Variants in FOXN3 observed in about 807,000 individuals in gnomAD.
FOXN3 encodes forkhead box protein N3.
A neutral mutation model predicts 38.4 loss-of-function variants in FOXN3; 7 were observed. That is an observed-to-expected ratio of 0.18 (90% CI 0.10 to 0.34). FOXN3 has a LOEUF of 0.34. Among genes scored for constraint, FOXN3 ranks in the 10% least tolerant of loss-of-function variants. The probability of loss-of-function intolerance (pLI) is 1.00; values close to 1 mark genes in which losing one functional copy is unlikely to be tolerated. For synonymous variants in FOXN3, 230 were observed against 242.2 expected, an observed-to-expected ratio of 0.95 and a Z score of 0.47; for missense variants, 456 against 613.4, an observed-to-expected ratio of 0.74 and a Z score of 2.71.
intron 3 of FOXN3, among the ~76,000 whole-genome samples, chr14:89,331,990 T>A (rs540309143): frequency 1.3e-5 from 2 of 152,300 alleles, no homozygotes; most frequent in South Asian, 4.1e-4. Context: ...TATCTTAATT[T>A]TGGCTTACTA....
At position 89,434,958 on chromosome 14, in the gene FOXN3, T is replaced by TATATA. The variant is rs1892244969; in HGVS notation, c.-14-22469_-14-22468insTATAT. Among the ~76,000 whole-genome samples, 3 of 152,342 alleles carry TATATA rather than the reference T, an allele frequency of 2.0e-5. No homozygotes were observed. The South Asian group carries it at 6.2e-4, about 32-fold the overall frequency. Reference sequence around the variant, plus strand: ...TACAGAGAATTATTATAGTTACAGGTACAGATCAACCTTAGTCAATTCTGT... The same window carrying TATATA: ...TACAGAGAATTATTATAGTTACAGGTATATAACAGATCAACCTTAGTCAATTCTGT... On this transcript the variant is annotated intron_variant, in intron 1 of 6. Transcript: ENST00000345097.
At chr14:89,351,250 T>C (rs186909054) in intron 2 of FOXN3, 146 of 152,702 alleles carry the variant, frequency 9.6e-4, no homozygotes, top group Non-Finnish European at 1.7e-3. Context: ...TAAAACCATA[T>C]GACATCGGGA....
rs150257467 is a variant in FOXN3, at chr14:89,332,234, C to T, written c.680+18438G>A. 1.5e-4 allele frequency among the ~76,000 whole-genome samples: 23 copies of T among 152,282 alleles called. No individual in the cohort carries two copies. In the East Asian group the frequency reaches 4.0e-3, roughly 27 times the overall value. Reference sequence around the variant, plus strand: ...CGCAGAGAGGGGCAGACACCCTGCACAGTTAACTATGACTCACTAAGTCAA... The same window carrying T: ...CGCAGAGAGGGGCAGACACCCTGCATAGTTAACTATGACTCACTAAGTCAA... On this transcript the variant is annotated intron_variant, in intron 3 of 5. Transcript: ENST00000557258.
intron 1 of FOXN3, among the ~76,000 whole-genome samples, chr14:89,478,559 G>A (rs1405991185): frequency 2.0e-5 from 3 of 152,050 alleles, no homozygotes; most frequent in Admixed American, 6.6e-5. Flanking sequence ...TGGGTAATAA[G>A]AACCATAATA....
At chr14:89,241,995 T>A (rs1188082331) in intron 4 of FOXN3, among the ~76,000 whole-genome samples, 1 of 152,188 alleles carries the variant, frequency 6.6e-6, no homozygotes, top group African/African-American at 2.4e-5. Flanking sequence ...GTCACATGCT[T>A]TCAGTGACTC....
chr14:89,223,122 T>A (rs1264451218), intron 4 of FOXN3: 1 of 152,266 alleles, frequency 6.6e-6, no homozygotes, highest in Non-Finnish European at 1.5e-5. Flanking sequence ...CTTACTGGTC[T>A]GTTATTTCCT....
rs148412592 is a variant in FOXN3 at position 89,178,761 on chromosome 14, G to A, written c.851+1940C>T. 8.0e-3 allele frequency among the ~76,000 whole-genome samples: 1,218 copies of A among 152,262 alleles called. 8 individuals carry two copies. The highest frequency in any genetic ancestry group is 0.013 in the Non-Finnish European group (859 of 68,018). On this transcript the variant is annotated intron_variant, in intron 5 of 5. Transcript: ENST00000557258. ...AGAGTAAGAATTAAAATGAGAAGGC[G>A]GCTCCTGTTGAAGGTCCACCTGTTG...
chr14:89,476,527 G>A (rs977700875), intron 1 of FOXN3, among the ~76,000 whole-genome samples: 2 of 152,202 alleles, frequency 1.3e-5, no homozygotes, highest in African/African-American at 4.8e-5. Flanking sequence ...TTGATCTCTG[G>A]TTAATGCTCA....
chr14:89,210,042 T>C (rs1169577100), intron 4 of FOXN3, among the ~76,000 whole-genome samples: 1 of 152,246 alleles, frequency 6.6e-6, no homozygotes, highest in East Asian at 1.9e-4. Flanking sequence ...TTGCAAAATA[T>C]GTGCCTACTT....
At chr14:89,582,098 C>T (rs1439154467) in intron 1 of FOXN3, among the ~76,000 whole-genome samples, 1 of 152,202 alleles carries the variant, frequency 6.6e-6, no homozygotes, top group Non-Finnish European at 1.5e-5. Flanking sequence ...AGTGTCATGC[C>T]ACATGTTCCC....
At chr14:89,554,615 C>A (rs139171943) in intron 1 of FOXN3, among the ~76,000 whole-genome samples, 349 of 152,172 alleles carry the variant, frequency 2.3e-3, no homozygotes, top group African/African-American at 8.0e-3. Flanking sequence ...AACTTTCTCA[C>A]CTCTGTGGCC....
intron 1 of FOXN3, among the ~76,000 whole-genome samples, chr14:89,513,994 GA>G (rs1472678494): frequency 6.6e-6 from 1 of 152,084 alleles, no homozygotes; most frequent in African/African-American, 2.4e-5. Flanking sequence ...AGCATTTTCA[GA>G]TGAAGTAGAA....
chr14:89,565,876 A>G (rs1223598634), intron 1 of FOXN3, among the ~76,000 whole-genome samples: 1 of 152,228 alleles, frequency 6.6e-6, no homozygotes, highest in African/African-American at 2.4e-5. Flanking sequence ...AAACGCAGAA[A>G]ATTAATACAA....
chr14:89,300,924 G>A (rs892038459), intron 3 of FOXN3, among the ~76,000 whole-genome samples: 2 of 151,984 alleles, frequency 1.3e-5, no homozygotes, highest in African/African-American at 2.4e-5. Flanking sequence ...AGCCTTCCAC[G>A]TAGCTGGGAT....
At chr14:89,347,400 A>G (rs1489026524) in intron 3 of FOXN3, among the ~76,000 whole-genome samples, 1 of 152,186 alleles carries the variant, frequency 6.6e-6, no homozygotes, top group East Asian at 1.9e-4. Context: ...AAATGCCAGT[A>G]AACCACCAGA....
At chr14:89,266,375 C>G (rs1057003021) in intron 4 of FOXN3, among the ~76,000 whole-genome samples, 1 of 152,248 alleles carries the variant, frequency 6.6e-6, no homozygotes, top group South Asian at 2.1e-4. Flanking sequence ...AAAAACTCCT[C>G]CTTTATGTCC....
chr14:89,273,168 T>C (rs760941397), intron 4 of FOXN3, among the ~76,000 whole-genome samples: 1 of 152,224 alleles, frequency 6.6e-6, no homozygotes, highest in Non-Finnish European at 1.5e-5. Context: ...TATAACCTCC[T>C]GCAAAGCTCA....
rs118158938 is a variant in FOXN3, at chr14:89,339,026, G to A, written c.680+11646C>T. Reference sequence around the variant, plus strand: ...TTTGTTGGTTTGTTTTTGAGACAGAGTTTCACTCTTGTTACCCAGGCTGGA... The same window carrying A: ...TTTGTTGGTTTGTTTTTGAGACAGAATTTCACTCTTGTTACCCAGGCTGGA... On this transcript the variant is annotated intron_variant, in intron 3 of 5. Coordinates refer to ENST00000557258, the MANE Select transcript of FOXN3 (RefSeq NM_005197.4). Among the ~76,000 whole-genome samples, 1,047 of 152,276 alleles carry A rather than the reference G, an allele frequency of 6.9e-3. 9 individuals carry two copies. Among genetic ancestry groups the A allele is most frequent in the Non-Finnish European group, 0.011 (760 of 68,016 alleles).
chr14:89,266,116 T>C (rs1199073900), intron 4 of FOXN3, among the ~76,000 whole-genome samples: 4 of 152,214 alleles, frequency 2.6e-5, no homozygotes, highest in Non-Finnish European at 4.4e-5. Flanking sequence ...TTGGTAAATA[T>C]ATTAAGTCAG....
Sources: allele counts gnomAD v4.1 joint callset (sites outside exome capture counted in the v4.1 genomes callset), GRCh38; gene constraint gnomAD v4.1.1; transcripts MANE v1.5; gene names NCBI Gene and HGNC (gene_info 2026-07-23, HGNC 2026-07-21).